PSMG4: variants seen among roughly 807,000 people sequenced by gnomAD.
The protein encoded by PSMG4 is proteasome (prosome, macropain) assembly chaperone 4.
Under a neutral mutation model 11.0 loss-of-function variants are expected in PSMG4, and 10 were observed. The ratio of observed to expected loss-of-function variants is 0.91; its 90% confidence interval spans 0.56 to 1.54. The LOEUF (loss-of-function observed/expected upper bound fraction) is 1.54. Ranked by LOEUF, PSMG4 falls within the 40% of genes most tolerant of loss-of-function variation. The pLI is 0.00. For synonymous variants in PSMG4, 95 were observed against 71.3 expected (o/e 1.33, Z -1.68); for missense variants, 198 against 160.9 (o/e 1.23, Z -1.25).
In PSMG4 at chr6:3,267,745, T is replaced by A; in HGVS notation, c.*33T>A. ...GCAGAAGTGAGAATTTGTAAACTTA[T>A]GTACAATGTACGTGTAAATAAATGG... On this transcript the variant is annotated 3_prime_UTR_variant, in exon 3 of 3. Coordinates refer to ENST00000438998, the MANE Select transcript of PSMG4 (RefSeq NM_001128591.2). 6 of 1,545,360 alleles carry A rather than the reference T, an allele frequency of 3.9e-6. No homozygotes were observed. The highest frequency in any genetic ancestry group is 3.5e-6 in the Non-Finnish European group (4 of 1,142,240).
upstream of PSMG4, among the ~76,000 whole-genome samples, chr6:3,255,430 C>G (rs1027775506): frequency 7.0e-6 from 1 of 143,158 alleles, no homozygotes; most frequent in Admixed American, 7.4e-5. Flanking sequence ...ACACTCCAGC[C>G]ACATGCCCCT....
upstream of PSMG4, among the ~76,000 whole-genome samples, chr6:3,256,911 G>GGT (rs1472524248): frequency 1.3e-5 from 2 of 151,912 alleles, no homozygotes; most frequent in Non-Finnish European, 2.9e-5. Context: ...AGTGGACCTA[G>GGT]GTGGCACATG....
chr6:3,259,685 G>T (rs1329908755), intron 1 of PSMG4, among the ~76,000 whole-genome samples: 1 of 152,218 alleles, frequency 6.6e-6, no homozygotes, highest in East Asian at 1.9e-4. Context: ...TGTGCGTTCA[G>T]AGCCTCGCAG....
upstream of PSMG4, among the ~76,000 whole-genome samples, chr6:3,254,430 T>C (rs1000600851): frequency 4.2e-5 from 6 of 143,360 alleles, no homozygotes; most frequent in East Asian, 2.1e-4. Flanking sequence ...AGGTATGGCT[T>C]TGTGCTGTAA....
chr6:3,260,538 C>G (rs995134465), intron 1 of PSMG4, among the ~76,000 whole-genome samples: 1 of 151,992 alleles, frequency 6.6e-6, no homozygotes, highest in Non-Finnish European at 1.5e-5. Flanking sequence ...CCGCCTGCCT[C>G]GGCCTCCCAA....
rs879012420 is a variant in PSMG4 at position 3,267,757 on chromosome 6, G to A, written c.*45G>A. 26 of 1,528,754 alleles carry A rather than the reference G, an allele frequency of 1.7e-5. No individual in the cohort carries two copies. The East Asian group carries it at 2.0e-4, about 12-fold the overall frequency. 94.7% of individuals were successfully genotyped at this position (1,528,754 alleles called of 1,614,324 possible). A position where few individuals can be genotyped will look rare whatever the true frequency, so the allele number is the denominator to read the frequency against. On this transcript the variant is annotated 3_prime_UTR_variant, in exon 3 of 3. Transcript: ENST00000438998. ...ATTTGTAAACTTATGTACAATGTAC[G>A]TGTAAATAAATGGATTGAATTTCAG...
chr6:3,266,604 G>A (rs34568803), intron 2 of PSMG4: 126,066 of 151,784 alleles, frequency 0.83, 52,625 homozygotes, highest in Non-Finnish European at 0.87. Context: ...GATTCCAGGT[G>A]TATGACTCTG....
chr6:3,266,638 T>G (rs141299362), intron 2 of PSMG4: 2 of 152,214 alleles, frequency 1.3e-5, no homozygotes, highest in African/African-American at 4.8e-5. Context: ...GTTGGCCCAA[T>G]GTGCACCTCA....
At chr6:3,255,786 C>T (rs1379821408), upstream of PSMG4, among the ~76,000 whole-genome samples, 16 of 152,188 alleles carry the variant, frequency 1.1e-4, no homozygotes, top group Admixed American at 6.5e-4. Context: ...TCCAGAGAGT[C>T]CCAATCTTTT....
intron 1 of PSMG4, among the ~76,000 whole-genome samples, chr6:3,259,556 C>T (rs1206807489): frequency 1.3e-5 from 2 of 152,224 alleles, no homozygotes; most frequent in East Asian, 1.9e-4. Flanking sequence ...TTTGGGGACT[C>T]TTGCGTCTCC....
chr6:3,260,913 C>T (rs1757967271), intron 1 of PSMG4, among the ~76,000 whole-genome samples: 1 of 152,248 alleles, frequency 6.6e-6, no homozygotes, highest in East Asian at 1.9e-4. Context: ...CCTGCCTGTC[C>T]TCGAGCTGGG....
At chr6:3,263,097 A>G (rs1758053724) in intron 1 of PSMG4, among the ~76,000 whole-genome samples, 1 of 152,186 alleles carries the variant, frequency 6.6e-6, no homozygotes, top group Non-Finnish European at 1.5e-5. Context: ...CTTGTCTGAA[A>G]TGAGGTTGGC....
intron 1 of PSMG4, among the ~76,000 whole-genome samples, chr6:3,260,452 C>T (rs1039247513): frequency 5.3e-5 from 8 of 151,786 alleles, no homozygotes; most frequent in Non-Finnish European, 1.0e-4. Context: ...TCACGCCGGG[C>T]TAATTTTTGT....
chr6:3,259,859 G>A (rs4959783), intron 1 of PSMG4, among the ~76,000 whole-genome samples: 104,037 of 152,152 alleles, frequency 0.68, 38,667 homozygotes, highest in Non-Finnish European at 0.83. Context: ...CCGGCTTTGC[G>A]TGTCGCCGCC....
chr6:3,258,548 C>G (rs901577175), upstream of PSMG4, among the ~76,000 whole-genome samples: 1 of 152,120 alleles, frequency 6.6e-6, no homozygotes, highest in Non-Finnish European at 1.5e-5. Flanking sequence ...AAAAATCAGT[C>G]TTTTTAAATT....
intron 2 of PSMG4, chr6:3,264,484 C>G (rs1285694980): frequency 2.3e-6 from 3 of 1,319,202 alleles, no homozygotes; most frequent in Non-Finnish European, 3.0e-6. Flanking sequence ...TGGTACCTGA[C>G]AAGCAGGAAC....
chr6:3,263,596 C>T (rs12193912), intron 1 of PSMG4, 88 bp from the exon 2 acceptor site: 904,023 of 1,154,360 alleles, frequency 0.78, 361,932 homozygotes, highest in Non-Finnish European at 0.83. Flanking sequence ...CTGCCATCGT[C>T]GTGAAGAATC....
upstream of PSMG4, among the ~76,000 whole-genome samples, chr6:3,255,905 ACAT>A (rs1757746650): frequency 6.7e-6 from 1 of 149,516 alleles, no homozygotes; most frequent in Non-Finnish European, 1.5e-5. Flanking sequence ...GATAGAAAAC[ACAT>A]TTGCTGCATC....
chr6:3,255,738 C>T (rs754219345), upstream of PSMG4, among the ~76,000 whole-genome samples: 2 of 152,226 alleles, frequency 1.3e-5, no homozygotes, highest in Non-Finnish European at 2.9e-5. Context: ...AAACAGGTGG[C>T]AGTGGGCAAA....
Sources: allele counts gnomAD v4.1 joint callset (sites outside exome capture counted in the v4.1 genomes callset), GRCh38; gene constraint gnomAD v4.1.1; transcripts MANE v1.5; gene names NCBI Gene and HGNC (gene_info 2026-07-23, HGNC 2026-07-21).